Variants in GATA6 observed in about 807,000 individuals in gnomAD.
The protein encoded by GATA6 is transcription factor GATA-6.
GATA6 carries 11 observed loss-of-function variants against 48.1 expected under a neutral mutation model. The ratio of observed to expected loss-of-function variants is 0.23; its 90% CI spans 0.14 to 0.38. GATA6 has a LOEUF of 0.38. Among genes scored for constraint, GATA6 ranks in the 10% least tolerant of loss-of-function variants. The pLI, the probability that GATA6 is intolerant of heterozygous loss-of-function variation, is 1.00. For missense variants in GATA6, 795 were observed against 850.3 expected (o/e 0.93, Z 0.81); for synonymous variants, 419 against 396.1 (o/e 1.06, Z -0.69).
chr18:22,172,295 C>T lies in GATA6; in HGVS notation c.1135+16C>T, dbSNP rs762194459. ...CCCAGTGCAGGTAAGGGTCGCGCCT[C>T]AGGTTCGGGGTGCGGGTCCAAAGCG... On this transcript the variant is annotated intron_variant, in intron 2 of 6. Transcript: ENST00000269216. The surrounding 1 kb of genome is among the most constrained non-coding windows in gnomAD (Gnocchi z 5.2). 39 of 1,530,694 alleles carry T rather than the reference C, an allele frequency of 2.5e-5. 2 individuals are homozygous for T. The South Asian group carries it at 3.9e-4, about 15-fold the overall frequency. 94.8% of individuals were successfully genotyped at this position (1,530,694 alleles called of 1,614,324 possible).
intron 6 of GATA6, among the ~76,000 whole-genome samples, chr18:22,191,391 T>C (rs1033411498): frequency 2.5e-5 from 2 of 80,432 alleles, no homozygotes; most frequent in Non-Finnish European, 4.5e-5. Flanking sequence ...TATAAGAATA[T>C]ACAAAATTGT....
chr18:22,176,869 G>A, intron 2 of GATA6, 86 bp from the exon 3 acceptor site: 6 of 1,443,774 alleles, frequency 4.2e-6, no homozygotes, highest in Non-Finnish European at 5.5e-6. Flanking sequence ...GGGCACCGGG[G>A]CTGGGGGCCG....
intron 3 of GATA6, 124 bp downstream of exon 3, chr18:22,177,245 G>T (rs967721170): frequency 1.1e-6 from 1 of 873,546 alleles, no homozygotes; most frequent in South Asian, 1.9e-5. Context: ...CGGCCGCTGC[G>T]GTCCCACCCT....
At chr18:22,194,071 A>G (rs77521907) in intron 6 of GATA6, among the ~76,000 whole-genome samples, 1 of 113,424 alleles carries the variant, frequency 8.8e-6, no homozygotes, top group African/African-American at 5.1e-5. Context: ...TCCTCACAGG[A>G]AAAAAAAAAA....
At chr18:22,198,274 T>C (rs1270725530) in intron 6 of GATA6, among the ~76,000 whole-genome samples, 1 of 152,138 alleles carries the variant, frequency 6.6e-6, no homozygotes, top group African/African-American at 2.4e-5. Context: ...TCTCCCAATG[T>C]TGCCCAGGCT....
At chr18:22,180,029 C>T (rs2033173111) in intron 3 of GATA6, 1 of 152,174 alleles carries the variant, frequency 6.6e-6, no homozygotes. Flanking sequence ...CTCTCTTCTT[C>T]ATTCTTTACA....
At chr18:22,182,448 C>A (rs888259084) in intron 4 of GATA6, among the ~76,000 whole-genome samples, 1 of 151,800 alleles carries the variant, frequency 6.6e-6, no homozygotes, top group Non-Finnish European at 1.5e-5. Flanking sequence ...ACCTCCACCT[C>A]CTGGGTTCAA....
intron 6 of GATA6, among the ~76,000 whole-genome samples, chr18:22,184,653 C>T (rs1425603672): frequency 6.6e-6 from 1 of 151,918 alleles, no homozygotes; most frequent in African/African-American, 2.4e-5. Context: ...CACCAACTCA[C>T]CTGGCTAATT....
In GATA6 at chr18:22,170,306, C is replaced by T. The variant is rs1345439284; in HGVS notation, c.-38+624C>T. ...TGACCGCGGGGTGGGCCGGGTGGCC[C>T]GGCCGGCGTGAGCGCGCACGCTGGT... On this transcript the variant is annotated intron_variant, in intron 1 of 6. Coordinates refer to ENST00000269216, the MANE Select transcript of GATA6 (RefSeq NM_005257.6). This position sits in a 1 kb window ranked among gnomAD's most constrained non-coding sequence, Gnocchi z 6.7. 5.9e-5 allele frequency among the ~76,000 whole-genome samples: 9 copies of T among 152,214 alleles called. No individual in the cohort carries two copies. The East Asian group carries it at 1.2e-3, about 20-fold the overall frequency.
intron 6 of GATA6, among the ~76,000 whole-genome samples, chr18:22,188,198 A>G (rs1431166582): frequency 6.6e-6 from 1 of 152,248 alleles, no homozygotes; most frequent in Admixed American, 6.5e-5. Context: ...AGAGAAATAT[A>G]TATGACCAGC....
At chr18:22,173,792 C>G (rs564290252) in intron 2 of GATA6, among the ~76,000 whole-genome samples, 1 of 152,308 alleles carries the variant, frequency 6.6e-6, no homozygotes, top group East Asian at 1.9e-4. Context: ...CAGGCGCGCG[C>G]CGCCACACCT....
rs535499274 is a variant in GATA6, at chr18:22,173,661, CA to C, written c.1135+1386del. Among the ~76,000 whole-genome samples the C allele has an allele frequency of 3.9e-5, 6 of 152,306 alleles. No individual in the cohort carries two copies. The South Asian group carries it at 1.2e-3, about 32-fold the overall frequency. On this transcript the variant is annotated intron_variant, in intron 2 of 6. Transcript: ENST00000269216. ...TTCCAAGCGCTGCAAGACTTGGTCT[CA>C]AAATTCCCTCTTTTTAGTTTTGCTC...
At chr18:22,176,859 G>A (rs1462553124) in intron 2 of GATA6, 96 bp from the exon 3 acceptor site, 6 of 1,393,526 alleles carry the variant, frequency 4.3e-6, no homozygotes, top group Non-Finnish European at 5.7e-6. Context: ...CAGGGAAGCC[G>A]GGCACCGGGG....
chr18:22,186,417 T>TA (rs60143934), intron 6 of GATA6, among the ~76,000 whole-genome samples: 1,974 of 152,282 alleles, frequency 0.013, 60 homozygotes, highest in African/African-American at 0.044. Flanking sequence ...AACATGCTGT[T>TA]TACTTTAATT....
In GATA6 at chr18:22,172,235, G is replaced by A; in HGVS notation, c.1091G>A (p.Ser364Asn). 6.5e-7 allele frequency: 1 copy of A among 1,534,106 alleles called. No individual in the cohort carries two copies. Among genetic ancestry groups the A allele is most frequent in the Non-Finnish European group, 8.7e-7 (1 of 1,146,240 alleles). The change falls in exon 2 of 7, where the codon AGC becomes AAC. Residue 364 changes from serine (S) to asparagine (N), a missense_variant. Around this residue, in one of 5 missense-constraint regions of GATA6, gnomAD observed 591 missense variants for 570.0 expected, o/e 1.04. Coordinates refer to ENST00000269216, the MANE Select transcript of GATA6 (RefSeq NM_005257.6). The surrounding 1 kb of genome is among the most constrained non-coding windows in gnomAD (Gnocchi z 5.2). Reference protein sequence around the residue: ...FETPVLHSLQSRAGAPLPVPR... With the variant: ...FETPVLHSLQNRAGAPLPVPR... ...ACCCCGGTGCTGCACAGCCTGCAGA[G>A]CCGCGCCGGAGCCCCGCTCCCGGTG...
At position 22,172,112 on chromosome 18, in the gene GATA6, A is replaced by ACCCC; in HGVS notation, c.970_971insCCCC (p.His324ProfsTer140). The stretch of plus-strand genomic sequence containing the variant: ...GCCGCGCGGCCGCTGAACGGGACGT[A>ACCCC]CCACCACCACCACCACCACCACCAC... On this transcript the variant is annotated frameshift_variant, in exon 2 of 7. Coordinates refer to ENST00000269216, the MANE Select transcript of GATA6 (RefSeq NM_005257.6). LOFTEE classifies it high-confidence loss of function. This position sits in a 1 kb window ranked among gnomAD's most constrained non-coding sequence, Gnocchi z 5.2. 8.9e-7 allele frequency: 1 copy of ACCCC among 1,117,702 alleles called. No individual in the cohort carries two copies. The allele number at this position is 1,117,702 out of a possible 1,614,324, so 69.2% of individuals were successfully genotyped here.
At chr18:22,198,031 A>AGTT (rs1209265309) in intron 6 of GATA6, among the ~76,000 whole-genome samples, 1 of 150,656 alleles carries the variant, frequency 6.6e-6, no homozygotes, top group Non-Finnish European at 1.5e-5. Context: ...TCTGGCTGTC[A>AGTT]GTTGTTGCTT....
chr18:22,199,289 A>C (rs917792641), intron 6 of GATA6, among the ~76,000 whole-genome samples: 3 of 152,246 alleles, frequency 2.0e-5, no homozygotes, highest in East Asian at 3.8e-4. Context: ...TATGTAAAAA[A>C]GAAATTCTGT....
In GATA6 at chr18:22,172,338, C is replaced by T. The variant is rs1240594859; in HGVS notation, c.1135+59C>T. On this transcript the variant is annotated intron_variant, in intron 2 of 6. Transcript: ENST00000269216. The surrounding 1 kb of genome is among the most constrained non-coding windows in gnomAD (Gnocchi z 5.2). Reference sequence around the variant, plus strand: ...CCAAAGCGCTGGGGCGCACGGGGGACGTGGAGCAGCTGCTCCACTCGGGCC... The same window carrying T: ...CCAAAGCGCTGGGGCGCACGGGGGATGTGGAGCAGCTGCTCCACTCGGGCC... 1.1e-5 allele frequency: 16 copies of T among 1,508,226 alleles called. No individual in the cohort carries two copies. The Admixed American group carries it at 3.1e-4, about 29-fold the overall frequency. 93.4% of individuals were successfully genotyped at this position (1,508,226 alleles called of 1,614,324 possible).
Sources: gnomAD v4.1 joint callset for allele counts (sites outside exome capture counted in the v4.1 genomes callset) on GRCh38, gnomAD v4.1.1 for gene constraint, gnomAD v4.1.1 regional missense constraint, Gnocchi (gnomAD v3.1) non-coding constraint, MANE v1.5 for transcripts, NCBI Gene and HGNC (gene_info 2026-07-23, HGNC 2026-07-21) for gene names.